MSRB3: variants seen among roughly 807,000 people sequenced by gnomAD.
MSRB3 encodes the protein methionine sulfoxide reductase B3, also known as methionine-R-sulfoxide reductase B3.
Under a neutral mutation model 21.0 loss-of-function variants are expected in MSRB3, and 13 were observed. The observed-to-expected ratio is 0.62, with a 90% confidence interval of 0.40 to 0.98. The LOEUF (loss-of-function observed/expected upper bound fraction) is 0.98. Ranked by LOEUF, MSRB3 falls within the 50% of genes least tolerant of loss-of-function variation. The pLI, the probability that MSRB3 is intolerant of heterozygous loss-of-function variation, is 0.00. For synonymous variants in MSRB3, 87 were observed against 88.6 expected (o/e 0.98, Z 0.10); for missense variants, 199 against 230.3 (o/e 0.86, Z 0.88).
chr12:65,424,878 G>T lies in MSRB3; in HGVS notation c.293-28850G>T, dbSNP rs538501013. Reference sequence around the variant, plus strand: ...TGTTTCCTTATTGACTTTCTGTCTGGATTATCTGTCCACTATTGAAAGTGA... The same window carrying T: ...TGTTTCCTTATTGACTTTCTGTCTGTATTATCTGTCCACTATTGAAAGTGA... On this transcript the variant is annotated intron_variant, in intron 5 of 6. Transcript: ENST00000308259. 7.5e-5 allele frequency among the ~76,000 whole-genome samples: 11 copies of T among 146,482 alleles called. 1 individual carries two copies. Among genetic ancestry groups the T allele is most frequent in the African/African-American group, 2.8e-4 (11 of 39,280 alleles).
Position 65,379,692 on chromosome 12 carries a change from G to A in MSRB3, c.292+10666G>A, listed in dbSNP as rs113555724. ...TGAGATTTATTCATGTTATTTGTAC[G>A]TTATCAATAGTTATAGCTGAGTAGT... On this transcript the variant is annotated intron_variant, in intron 5 of 6. Coordinates refer to ENST00000308259, the MANE Select transcript of MSRB3 (RefSeq NM_001031679.3). Among the ~76,000 whole-genome samples, 761 of 152,208 alleles carry A rather than the reference G, an allele frequency of 5.0e-3. 11 individuals carry two copies. The highest frequency in any genetic ancestry group is 0.037 in the Admixed American group (565 of 15,272).
At chr12:65,297,374 T>TAAAATA (rs1592499317) in intron 1 of MSRB3, among the ~76,000 whole-genome samples, 1 of 152,164 alleles carries the variant, frequency 6.6e-6, no homozygotes, top group East Asian at 1.9e-4. Context: ...CCCCGGAACT[T>TAAAATA]AAAATAAAAA....
intron 1 of MSRB3, among the ~76,000 whole-genome samples, chr12:65,289,729 G>A (rs891485561): frequency 1.3e-5 from 2 of 151,980 alleles, no homozygotes; most frequent in Non-Finnish European, 2.9e-5. Flanking sequence ...CCCCAGTGTC[G>A]ATTGTTCCTT....
intron 4 of MSRB3, among the ~76,000 whole-genome samples, chr12:65,353,072 G>T (rs1435226494): frequency 6.6e-6 from 1 of 152,134 alleles, no homozygotes; most frequent in Non-Finnish European, 1.5e-5. Context: ...TAGTTTGATC[G>T]CACTGTGTTC....
At chr12:65,368,288 C>T (rs575008865) in intron 4 of MSRB3, among the ~76,000 whole-genome samples, 5 of 152,186 alleles carry the variant, frequency 3.3e-5, no homozygotes, top group East Asian at 3.9e-4. Flanking sequence ...GATATAAATC[C>T]GACTGGAGCA....
At chr12:65,334,501 G>A (rs746329201) in intron 4 of MSRB3, among the ~76,000 whole-genome samples, 13 of 151,974 alleles carry the variant, frequency 8.6e-5, no homozygotes, top group South Asian at 6.2e-4. Context: ...ACTTAGCATC[G>A]TTGGAACAAA....
intron 4 of MSRB3, among the ~76,000 whole-genome samples, chr12:65,351,208 G>A (rs1202076215): frequency 6.6e-6 from 1 of 151,596 alleles, no homozygotes; most frequent in African/African-American, 2.4e-5. Flanking sequence ...GCTCCTGAAT[G>A]ACTACTGGAT....
At chr12:65,378,572 G>A (rs1878761660) in intron 5 of MSRB3, among the ~76,000 whole-genome samples, 1 of 152,166 alleles carries the variant, frequency 6.6e-6, no homozygotes, top group Non-Finnish European at 1.5e-5. Context: ...ATACAGGTTT[G>A]TATATGGTTG....
intron 5 of MSRB3, among the ~76,000 whole-genome samples, chr12:65,371,523 A>G (rs1241324255): frequency 6.6e-6 from 1 of 151,732 alleles, no homozygotes; most frequent in Non-Finnish European, 1.5e-5. Context: ...AAAAATAAAT[A>G]CTATGGTCAG....
At chr12:65,350,046 T>C (rs571116980) in intron 4 of MSRB3, among the ~76,000 whole-genome samples, 1 of 152,098 alleles carries the variant, frequency 6.6e-6, no homozygotes, top group Non-Finnish European at 1.5e-5. Flanking sequence ...GTTTTAGGTC[T>C]AACATTTAAG....
intron 5 of MSRB3, among the ~76,000 whole-genome samples, chr12:65,375,846 A>C (rs10735928): frequency 0.63 from 95,597 of 151,208 alleles, 30,375 homozygotes; most frequent in Admixed American, 0.72. Context: ...TACTTTTATT[A>C]ATGTTTTTCA....
chr12:65,295,053 A>C (rs1324559281), intron 1 of MSRB3, among the ~76,000 whole-genome samples: 2 of 151,850 alleles, frequency 1.3e-5, no homozygotes. Flanking sequence ...CTGGTCTTGC[A>C]CTCCTGGCCT....
At chr12:65,341,117 T>C (rs1876110435) in intron 4 of MSRB3, among the ~76,000 whole-genome samples, 1 of 152,132 alleles carries the variant, frequency 6.6e-6, no homozygotes, top group African/African-American at 2.4e-5. Context: ...CACATTTTAT[T>C]GCAGCACTGT....
chr12:65,385,596 AT>A (rs1378511119), intron 5 of MSRB3, among the ~76,000 whole-genome samples: 1 of 152,066 alleles, frequency 6.6e-6, no homozygotes, highest in Non-Finnish European at 1.5e-5. Context: ...ACAAAATTAA[AT>A]AAAATAGCTT....
intron 5 of MSRB3, among the ~76,000 whole-genome samples, chr12:65,410,453 A>G (rs1056976337): frequency 3.3e-5 from 5 of 152,044 alleles, no homozygotes; most frequent in African/African-American, 1.2e-4. Context: ...GCCAGCCTGG[A>G]CAACAGAGTG....
At chr12:65,449,075 C>T (rs1262768957) in intron 5 of MSRB3, among the ~76,000 whole-genome samples, 1 of 152,164 alleles carries the variant, frequency 6.6e-6, no homozygotes, top group Non-Finnish European at 1.5e-5. Flanking sequence ...GTTGCCCAGG[C>T]TGGAGTGCAG....
chr12:65,288,174 G>A (rs1872490320), intron 1 of MSRB3, among the ~76,000 whole-genome samples: 1 of 151,800 alleles, frequency 6.6e-6, no homozygotes, highest in South Asian at 2.1e-4. Context: ...GTGGTGGTGT[G>A]TGCCTGTAGT....
intron 5 of MSRB3, among the ~76,000 whole-genome samples, chr12:65,412,333 G>A (rs1260046399): frequency 6.6e-6 from 1 of 152,130 alleles, no homozygotes; most frequent in Non-Finnish European, 1.5e-5. Flanking sequence ...AGAAGAATAA[G>A]TAGTTACTTT....
chr12:65,416,775 TGTTGTTACTTAGC>T (rs1233542687), intron 5 of MSRB3, among the ~76,000 whole-genome samples: 3 of 152,222 alleles, frequency 2.0e-5, no homozygotes, highest in Non-Finnish European at 4.4e-5. Flanking sequence ...TTGACCTAAC[TGTTGTTACTTAGC>T]ATGTAATCCT....
Sources: gnomAD v4.1 joint callset for allele counts (sites outside exome capture counted in the v4.1 genomes callset) on GRCh38, gnomAD v4.1.1 for gene constraint, MANE v1.5 for transcripts, NCBI Gene and HGNC (gene_info 2026-07-23, HGNC 2026-07-21) for gene names.